BCKDHB: variants seen among roughly 807,000 people sequenced by gnomAD.
BCKDHB encodes the protein branched chain keto acid dehydrogenase E1 subunit beta.
A neutral mutation model predicts 48.5 loss-of-function variants in BCKDHB; 41 were observed. The observed-to-expected ratio is 0.85, with a 90% CI of 0.66 to 1.10. The LOEUF (loss-of-function observed/expected upper bound fraction) is 1.10, where lower values mean the gene tolerates loss of function less well. Among genes scored for constraint, BCKDHB ranks in the 50% least tolerant of loss-of-function variants. The pLI is 0.00. For synonymous variants in BCKDHB, 201 were observed against 174.8 expected, an observed-to-expected ratio of 1.15 and a Z score of -1.18; for missense variants, 496 against 494.2, an observed-to-expected ratio of 1.00 and a Z score of -0.03.
the BCKDHB span, among the ~76,000 whole-genome samples, chr6:80,369,549 G>T: frequency 6.6e-6 from 1 of 152,162 alleles, no homozygotes; most frequent in South Asian, 2.1e-4. Context: ...AGACTCTCTA[G>T]GTCCATTTCT....
chr6:80,425,463 AT>A, the BCKDHB span, among the ~76,000 whole-genome samples: 1 of 152,162 alleles, frequency 6.6e-6, no homozygotes, highest in Admixed American at 6.6e-5. Context: ...TCTTTACAGC[AT>A]TTTTCAGAGT....
chr6:80,354,216 TTTA>T, the BCKDHB span, among the ~76,000 whole-genome samples: 2 of 91,942 alleles, frequency 2.2e-5, no homozygotes, highest in Admixed American at 1.9e-4. Flanking sequence ...CCCATTTGTC[TTTA>T]TTTATTTATT....
At chr6:80,437,167 T>C in the BCKDHB span, among the ~76,000 whole-genome samples, 1 of 152,152 alleles carries the variant, frequency 6.6e-6, no homozygotes, top group East Asian at 1.9e-4. Flanking sequence ...GAAGTGTTCA[T>C]CTTATAGACT....
chr6:80,294,326 G>A (rs753870856), intron 9 of BCKDHB, among the ~76,000 whole-genome samples: 1 of 152,146 alleles, frequency 6.6e-6, no homozygotes, highest in Non-Finnish European at 1.5e-5. Flanking sequence ...TCAGGACCAT[G>A]GTGATAATTG....
intron 3 of BCKDHB, among the ~76,000 whole-genome samples, chr6:80,145,967 G>A (rs1000047891): frequency 2.0e-5 from 3 of 152,142 alleles, no homozygotes; most frequent in Admixed American, 2.0e-4. Flanking sequence ...ATGCCTTCCA[G>A]TTGTGTGTAT....
At chr6:80,443,432 T>C in the BCKDHB span, 1 of 152,094 alleles carries the variant, frequency 6.6e-6, no homozygotes, top group South Asian at 2.1e-4. Flanking sequence ...GAGTGAAGCA[T>C]ACATCCATTG....
intron 9 of BCKDHB, among the ~76,000 whole-genome samples, chr6:80,311,050 T>C (rs1768128228): frequency 2.0e-5 from 3 of 152,296 alleles, no homozygotes; most frequent in South Asian, 2.1e-4. Context: ...CAATCTCACA[T>C]TGTGGGTGGG....
At chr6:80,379,896 A>G in the BCKDHB span, among the ~76,000 whole-genome samples, 1 of 152,084 alleles carries the variant, frequency 6.6e-6, no homozygotes, top group Non-Finnish European at 1.5e-5. Context: ...AAAGATCTCT[A>G]CAATAGAAAC....
intron 8 of BCKDHB, among the ~76,000 whole-genome samples, chr6:80,226,705 G>A (rs2127875059): frequency 6.6e-6 from 1 of 152,314 alleles, no homozygotes; most frequent in East Asian, 1.9e-4. Flanking sequence ...GGTGAGAAAG[G>A]TTTCCAGCTG....
At chr6:80,393,316 C>A in the BCKDHB span, among the ~76,000 whole-genome samples, 4 of 152,226 alleles carry the variant, frequency 2.6e-5, no homozygotes, top group East Asian at 7.7e-4. Flanking sequence ...CTCCAAAATT[C>A]ATATCTTTAA....
At chr6:80,114,529 A>G (rs1415590827) in intron 1 of BCKDHB, among the ~76,000 whole-genome samples, 1 of 152,286 alleles carries the variant, frequency 6.6e-6, no homozygotes, top group East Asian at 1.9e-4. Flanking sequence ...GATAAAAGGC[A>G]TGAGCCACCA....
At chr6:80,319,310 A>G (rs2128000753) in intron 9 of BCKDHB, among the ~76,000 whole-genome samples, 2 of 152,300 alleles carry the variant, frequency 1.3e-5, no homozygotes, top group Middle Eastern at 6.8e-3. Flanking sequence ...TTTAATCCTT[A>G]GTTTTTCCAT....
intron 3 of BCKDHB, among the ~76,000 whole-genome samples, chr6:80,152,286 G>T (rs889139733): frequency 2.0e-5 from 3 of 151,966 alleles, no homozygotes; most frequent in Non-Finnish European, 4.4e-5. Flanking sequence ...CTCCATTTAA[G>T]AAATTTGTAC....
chr6:80,462,824 C>T, the BCKDHB span: 1 of 151,248 alleles, frequency 6.6e-6, no homozygotes, highest in African/African-American at 2.4e-5. Flanking sequence ...CTTGATATTT[C>T]CATAGATTTT....
chr6:80,196,591 T>C (rs929019394), intron 6 of BCKDHB, among the ~76,000 whole-genome samples: 18 of 152,202 alleles, frequency 1.2e-4, no homozygotes, highest in African/African-American at 4.1e-4. Context: ...CCTGCATATA[T>C]TGAGTATGCA....
chr6:80,458,359 A>G, the BCKDHB span, among the ~76,000 whole-genome samples: 1 of 152,236 alleles, frequency 6.6e-6, no homozygotes, highest in Non-Finnish European at 1.5e-5. Flanking sequence ...TGGGCACATG[A>G]CAGAGGCTGG....
rs1439316208 is a variant in BCKDHB at position 80,106,758 on chromosome 6, A to G, written c.65A>G (p.His22Arg). The G allele has an allele frequency of 1.9e-6, 3 of 1,576,704 alleles. No individual in the cohort carries two copies. Among genetic ancestry groups the G allele is most frequent in the African/African-American group, 1.4e-5 (1 of 73,988 alleles). Residue 22 changes from histidine to arginine, a missense_variant, in exon 1 of 10, where the codon CAC (histidine) becomes CGC (arginine). Transcript: ENST00000320393. ...LRLRAAGAEG[H>R]WRRLPGAGLA... is the part of the protein sequence containing the mutation. The stretch of plus-strand genomic sequence containing the variant: ...CTCAGGGCGGCAGGGGCTGAGGGGC[A>G]CTGGCGTCGGCTTCCTGGCGCGGGG...
the BCKDHB span, among the ~76,000 whole-genome samples, chr6:80,384,364 G>A: frequency 7.8e-6 from 1 of 127,804 alleles, no homozygotes; most frequent in South Asian, 2.5e-4. Flanking sequence ...TTTTTTTTTT[G>A]TTGTTGTTTT....
At chr6:80,343,553 T>C (rs1770029307) in intron 9 of BCKDHB, 111 bp from the exon 10 acceptor site, 1 of 1,165,242 alleles carries the variant, frequency 8.6e-7, no homozygotes, top group Non-Finnish European at 1.3e-6. Flanking sequence ...ATATTTTTAA[T>C]GTCCTTAGAT....
Sources: allele counts gnomAD v4.1 joint callset (sites outside exome capture counted in the v4.1 genomes callset), GRCh38; gene constraint gnomAD v4.1.1; transcripts MANE v1.5; gene names NCBI Gene and HGNC (gene_info 2026-07-23, HGNC 2026-07-21).